The following MRS2 variants were observed in gnomAD, a reference collection of about 807,000 sequenced individuals.
MRS2 encodes magnesium transporter MRS2.
In MRS2, 40 loss-of-function variants were observed where a neutral mutation model predicts 52.6. That is an observed-to-expected ratio of 0.76 (90% CI 0.59 to 0.99). MRS2 has a LOEUF of 0.99. Among genes scored for constraint, MRS2 ranks in the 50% least tolerant of loss-of-function variants. The pLI is 0.00. For synonymous variants in MRS2, 193 were observed against 195.9 expected (o/e 0.98, Z 0.13); for missense variants, 472 against 532.7 (o/e 0.89, Z 1.12).
intron 2 of MRS2, among the ~76,000 whole-genome samples, chr6:24,407,347 CT>C (rs1201062047): frequency 2.0e-5 from 3 of 151,930 alleles, no homozygotes; most frequent in African/African-American, 4.8e-5. Context: ...TTTATTTTTG[CT>C]GATGAGAAGC....
intron 3 of MRS2, 72 bp from the exon 4 acceptor site, chr6:24,409,389 G>A: frequency 1.2e-6 from 1 of 845,528 alleles, no homozygotes; most frequent in Non-Finnish European, 1.8e-6. Context: ...GTGGTGGGAG[G>A]ACTGCTCTGA....
At chr6:24,404,858 G>A (rs1457068728) in intron 1 of MRS2, among the ~76,000 whole-genome samples, 1 of 152,158 alleles carries the variant, frequency 6.6e-6, no homozygotes, top group Non-Finnish European at 1.5e-5. Flanking sequence ...CTCAGAACAC[G>A]ATGTTGCACA....
At chr6:24,423,097 A>C (rs770033420) in intron 10 of MRS2, 47 bp downstream of exon 10, 1 of 1,487,164 alleles carries the variant, frequency 6.7e-7, no homozygotes, top group African/African-American at 1.4e-5. Context: ...GGTTATGATC[A>C]TGGGCCCTAA....
chr6:24,408,435 A>G lies in MRS2; in HGVS notation c.292A>G (p.Thr98Ala). 1 of 1,583,950 alleles carries G rather than the reference A, an allele frequency of 6.3e-7. No homozygotes were observed. The highest frequency in any genetic ancestry group is 1.7e-4 in the Middle Eastern group (1 of 5,992). The part of the protein sequence containing the change: ...VTKFDKQGNV[T>A]SFERKKTELY... ...AAAATTTGACAAACAGGGAAACGTT[A>G]CTTCTTTTGGTGAGTGATTAGCATT... The change falls in exon 3 of 11, where the codon ACT becomes GCT. Residue 98 changes from threonine to alanine, a missense_variant. Coordinates refer to ENST00000378386, the MANE Select transcript of MRS2 (RefSeq NM_020662.4).
chr6:24,419,223 CAG>C (rs977140085), intron 9 of MRS2: 7 of 152,266 alleles, frequency 4.6e-5, no homozygotes, highest in Non-Finnish European at 8.8e-5. Flanking sequence ...GGCGACAGGA[CAG>C]AGTGAGACTC....
intron 6 of MRS2, 126 bp from the exon 7 acceptor site, chr6:24,416,270 TA>T (rs889050393): frequency 2.7e-5 from 13 of 476,248 alleles, no homozygotes; most frequent in East Asian, 1.5e-4. Context: ...TTTTTTTTTT[TA>T]AATAAGTCAT....
chr6:24,416,846 G>C (rs1480365141), intron 7 of MRS2, among the ~76,000 whole-genome samples: 3 of 152,138 alleles, frequency 2.0e-5, no homozygotes, highest in Non-Finnish European at 2.9e-5. Context: ...ATTTACATGG[G>C]GGAGGGAAAA....
chr6:24,410,986 C>T (rs909961166), intron 4 of MRS2, among the ~76,000 whole-genome samples: 3 of 152,034 alleles, frequency 2.0e-5, no homozygotes, highest in East Asian at 1.9e-4. Context: ...GTCAGGAGTT[C>T]GAGACCAGCC....
chr6:24,410,442 G>A (rs1761612138), intron 4 of MRS2, among the ~76,000 whole-genome samples: 1 of 152,156 alleles, frequency 6.6e-6, no homozygotes, highest in African/African-American at 2.4e-5. Flanking sequence ...TAGATGAATG[G>A]TATTGGCCCT....
intron 1 of MRS2, among the ~76,000 whole-genome samples, chr6:24,403,912 C>G (rs1192796916): frequency 6.6e-6 from 1 of 152,042 alleles, no homozygotes; most frequent in Non-Finnish European, 1.5e-5. Context: ...CTACAGTACT[C>G]TATAAGTAAA....
In MRS2 at chr6:24,422,921, C is replaced by G; in HGVS notation, c.1108-16C>G. The G allele has an allele frequency of 6.4e-7, 1 of 1,567,320 alleles. No individual in the cohort carries two copies. Among genetic ancestry groups the G allele is most frequent in the South Asian group, 1.1e-5 (1 of 89,002 alleles). On this transcript the variant is annotated splice_polypyrimidine_tract_variant and intron_variant, in intron 9 of 10. Transcript: ENST00000378386. ...CCTGGCGTTTTGCGATGGAAATGAA[C>G]TGTGTTCTCTTTTAGGACCATAGAA...
At chr6:24,405,525 C>G (rs1005834921) in intron 2 of MRS2, among the ~76,000 whole-genome samples, 9 of 151,708 alleles carry the variant, frequency 5.9e-5, no homozygotes, top group African/African-American at 2.2e-4. Context: ...CAAGATAATA[C>G]GCAGGCAGAA....
chr6:24,417,709 C>T (rs894154848), intron 7 of MRS2, among the ~76,000 whole-genome samples: 4 of 152,072 alleles, frequency 2.6e-5, no homozygotes, highest in African/African-American at 9.7e-5. Flanking sequence ...TTTGGGAAGC[C>T]GAGGCAGGCA....
Position 24,424,409 on chromosome 6 carries a change from T to C in MRS2, c.*715T>C, listed in dbSNP as rs961699149. 2 of 151,206 alleles carry C rather than the reference T, an allele frequency of 1.3e-5. No individual in the cohort carries two copies. The highest frequency in any genetic ancestry group is 1.3e-4 in the Admixed American group (2 of 15,076). 9.4% of individuals were successfully genotyped at this position (151,206 alleles called of 1,614,324 possible). On this transcript the variant is annotated 3_prime_UTR_variant, in exon 11 of 11. Coordinates refer to ENST00000378386, the MANE Select transcript of MRS2 (RefSeq NM_020662.4). Reference sequence around the variant, plus strand: ...TGTTTTGTAGCACTTTGTCCATTTATTGATTTTTAAAGTAGATATTTAGAT... The same window carrying C: ...TGTTTTGTAGCACTTTGTCCATTTACTGATTTTTAAAGTAGATATTTAGAT...
rs747055360 is a variant in MRS2, at chr6:24,423,017, T to C, written c.1188T>C (p.Leu396=). The change falls in exon 10 of 11, where the codon CTT becomes CTC. Residue 396 remains leucine (L), a synonymous_variant. Transcript: ENST00000378386. ...GLIWRRLLSF[L]GRQLEAPLPP... is the part of the protein sequence containing the mutation. Reference sequence around the variant, plus strand: ...TCTGGAGGCGCCTGCTTTCATTCCTTGGACGACAGCTAGAAGCTCCATTGC... The same window carrying C: ...TCTGGAGGCGCCTGCTTTCATTCCTCGGACGACAGCTAGAAGCTCCATTGC... 2.3e-5 allele frequency: 37 copies of C among 1,614,130 alleles called. No individual in the cohort carries two copies. Among genetic ancestry groups the C allele is most frequent in the Non-Finnish European group, 2.6e-5 (31 of 1,179,994 alleles).
chr6:24,403,694 C>T (rs1360724793), intron 1 of MRS2, among the ~76,000 whole-genome samples: 3 of 152,226 alleles, frequency 2.0e-5, no homozygotes, highest in East Asian at 3.8e-4. Context: ...GCTGGGATTA[C>T]AGGCGTGAGC....
Position 24,413,684 on chromosome 6 carries a change from C to T in MRS2, c.588+1289C>T, listed in dbSNP as rs367580798. ...AACCCGGAAGCAGTTCCTCTGGAGACGAAATAAACAACATGTCTGCAGAGG... is the reference window on the plus strand; with the variant it reads ...AACCCGGAAGCAGTTCCTCTGGAGATGAAATAAACAACATGTCTGCAGAGG... On this transcript the variant is annotated intron_variant, in intron 5 of 10. Coordinates refer to ENST00000378386, the MANE Select transcript of MRS2 (RefSeq NM_020662.4). Among the ~76,000 whole-genome samples the T allele has an allele frequency of 1.1e-3, 168 of 148,954 alleles. 1 individual carries two copies. The highest frequency in any genetic ancestry group is 3.9e-3 in the African/African-American group (160 of 41,482).
rs1168244274 is a variant in MRS2 at position 24,403,023 on chromosome 6, C to T, written c.-24C>T. 2 of 1,562,976 alleles carry T rather than the reference C, an allele frequency of 1.3e-6. No individual in the cohort carries two copies. The highest frequency in any genetic ancestry group is 1.4e-5 in the African/African-American group (1 of 73,576). ...GGCATGAAGGTCTGGGGTCTGGCTG[C>T]TGCCTGCTTCTTGCTCCAGCACCAT... On this transcript the variant is annotated 5_prime_UTR_variant, in exon 1 of 11. Coordinates refer to ENST00000378386, the MANE Select transcript of MRS2 (RefSeq NM_020662.4).
rs566144730 is a variant in MRS2, at chr6:24,418,191, T to C, written c.944T>C (p.Val315Ala). The change falls in exon 8 of 11, where the codon GTG becomes GCG. Residue 315 changes from valine (V) to alanine (A), a missense_variant. Coordinates refer to ENST00000378386, the MANE Select transcript of MRS2 (RefSeq NM_020662.4). ...TCCAATGCAGCTCGTGAGCTTAGGG[T>C]GCTGATTGATGATTCACAAAGTATT... ...DLSNAARELR[V>A]LIDDSQSIIF... The C allele has an allele frequency of 1.9e-6, 3 of 1,612,820 alleles. No individual in the cohort carries two copies. The highest frequency in any genetic ancestry group is 2.5e-6 in the Non-Finnish European group (3 of 1,179,488).
Sources: allele counts gnomAD v4.1 joint callset (sites outside exome capture counted in the v4.1 genomes callset), GRCh38; gene constraint gnomAD v4.1.1; transcripts MANE v1.5; gene names NCBI Gene and HGNC (gene_info 2026-07-23, HGNC 2026-07-21).